Variants in LRIG1 observed in about 807,000 individuals in gnomAD.
LRIG1 encodes leucine-rich repeats and immunoglobulin-like domains protein 1.
A neutral mutation model predicts 99.2 loss-of-function variants in LRIG1; 48 were observed. The observed-to-expected ratio is 0.48, with a 90% CI of 0.38 to 0.62. The LOEUF (loss-of-function observed/expected upper bound fraction) is 0.62, where lower values mean the gene tolerates loss of function less well. Among genes scored for constraint, LRIG1 ranks in the 20% least tolerant of loss-of-function variants. The probability of loss-of-function intolerance (pLI) is 0.00; values close to 1 mark genes in which losing one functional copy is unlikely to be tolerated. For synonymous variants in LRIG1, 772 were observed against 596.1 expected, an observed-to-expected ratio of 1.29 and a Z score of -4.30; for missense variants, 1,646 against 1,434.4, an observed-to-expected ratio of 1.15 and a Z score of -2.38.
At chr3:66,382,806 A>G (rs1282130453) in intron 15 of LRIG1, among the ~76,000 whole-genome samples, 176 bp downstream of exon 15, 1 of 152,206 alleles carries the variant, frequency 6.6e-6, no homozygotes, top group Non-Finnish European at 1.5e-5. Flanking sequence ...TAAATTTGAG[A>G]GTATTCCTGT....
intron 1 of LRIG1, among the ~76,000 whole-genome samples, chr3:66,492,513 C>T (rs769741919): frequency 2.0e-4 from 30 of 152,236 alleles, no homozygotes; most frequent in African/African-American, 7.0e-4. Flanking sequence ...GAGAGACCTT[C>T]ACTCATTTCC....
chr3:66,389,336 T>C (rs1049292421), intron 12 of LRIG1, among the ~76,000 whole-genome samples: 16 of 151,896 alleles, frequency 1.1e-4, no homozygotes, highest in African/African-American at 1.7e-4. Flanking sequence ...ATAGGACACA[T>C]AGAAGAAATA....
intron 3 of LRIG1, among the ~76,000 whole-genome samples, chr3:66,444,048 T>A (rs1703633927): frequency 6.6e-6 from 1 of 152,184 alleles, no homozygotes; most frequent in Non-Finnish European, 1.5e-5. Context: ...TAGCTGAGGA[T>A]AAAGACTGAT....
chr3:66,449,652 C>T (rs368617430), intron 3 of LRIG1, among the ~76,000 whole-genome samples: 135 of 152,348 alleles, frequency 8.9e-4, no homozygotes, highest in Middle Eastern at 3.4e-3. Context: ...TCACCTGCCA[C>T]GCTCCTGCCC....
At chr3:66,431,468 G>T (rs542337866) in intron 3 of LRIG1, among the ~76,000 whole-genome samples, 1 of 152,194 alleles carries the variant, frequency 6.6e-6, no homozygotes, top group African/African-American at 2.4e-5. Flanking sequence ...GCCATGCATG[G>T]TTTTCTTCCA....
intron 3 of LRIG1, among the ~76,000 whole-genome samples, chr3:66,437,523 C>G (rs542253277): frequency 1.2e-4 from 19 of 152,308 alleles, no homozygotes; most frequent in African/African-American, 4.6e-4. Flanking sequence ...CGCCCTCCAG[C>G]ACCCCTCAGC....
chr3:66,467,607 C>T (rs1467904328), intron 1 of LRIG1, among the ~76,000 whole-genome samples: 1 of 152,006 alleles, frequency 6.6e-6, no homozygotes, highest in Non-Finnish European at 1.5e-5. Flanking sequence ...GTGATGTGCC[C>T]GCCTCGGCCT....
At chr3:66,480,543 T>C (rs1372389233) in intron 1 of LRIG1, among the ~76,000 whole-genome samples, 1 of 151,108 alleles carries the variant, frequency 6.6e-6, no homozygotes, top group African/African-American at 2.4e-5. Flanking sequence ...GCCACCTAGC[T>C]ACTTCCATAC....
At chr3:66,495,306 C>T (rs750440701) in intron 1 of LRIG1, among the ~76,000 whole-genome samples, 17 of 152,228 alleles carry the variant, frequency 1.1e-4, no homozygotes, top group Non-Finnish European at 2.2e-4. Flanking sequence ...TGTCTCAAGA[C>T]AATGCCATCA....
chr3:66,429,857 C>A (rs1011638232), intron 3 of LRIG1, among the ~76,000 whole-genome samples: 1 of 27,856 alleles, frequency 3.6e-5, no homozygotes, highest in Admixed American at 3.9e-4. Flanking sequence ...ACTCTCCGTA[C>A]TTTCCACTCC....
chr3:66,451,717 TG>T lies in LRIG1; in HGVS notation c.291-85del, dbSNP rs1319169149. 8.3e-6 allele frequency: 8 copies of T among 969,480 alleles called. No individual in the cohort carries two copies. The East Asian group carries it at 2.0e-4, about 24-fold the overall frequency. The allele number at this position is 969,480 out of a possible 1,614,324, so 60.1% of individuals were successfully genotyped here. A position where few individuals can be genotyped will look rare whatever the true frequency, so the allele number is the denominator to read the frequency against. On this transcript the variant is annotated intron_variant, in intron 2 of 18. Coordinates refer to ENST00000273261, the MANE Select transcript of LRIG1 (RefSeq NM_015541.3). The stretch of plus-strand genomic sequence containing the variant: ...ACATACAACAGAAATAAACAAACGC[TG>T]CTAAGTCTGCCACAGTAAACCTATA...
At position 66,383,946 on chromosome 3, in the gene LRIG1, G is replaced by GCACACACACACACACACA. The variant is rs751049385; in HGVS notation, c.2071+44_2071+45insTGTGTGTGTGTGTGTGTG. 4.7e-6 allele frequency: 4 copies of GCACACACACACACACACA among 842,398 alleles called. No homozygotes were observed. The African/African-American group carries it at 1.1e-4, about 24-fold the overall frequency. The allele number at this position is 842,398 out of a possible 1,614,324, so 52.2% of individuals were successfully genotyped here. On this transcript the variant is annotated intron_variant, in intron 14 of 18. Transcript: ENST00000273261. The stretch of plus-strand genomic sequence containing the variant: ...GAGCATTTGAGAGTCTCTCTCTCTC[G>GCACACACACACACACACA]CTCACACACACACACACACACACAC...
rs140467133 is a variant in LRIG1 at position 66,489,965 on chromosome 3, GCAC to G, written c.218+10222_218+10224del. ...CTTTCTGTCCAGAAAGACATTCTGA[GCAC>G]CACGACTTCACATAAAGTTTCTCCC... is the stretch of plus-strand genomic sequence containing the variant. On this transcript the variant is annotated intron_variant, in intron 1 of 18. Transcript: ENST00000273261. 9.5e-3 allele frequency among the ~76,000 whole-genome samples: 1,445 copies of G among 152,244 alleles called. 27 individuals carry two copies. The highest frequency in any genetic ancestry group is 0.033 in the African/African-American group (1,364 of 41,544).
intron 1 of LRIG1, among the ~76,000 whole-genome samples, chr3:66,473,243 A>C (rs1700644344): frequency 6.6e-6 from 1 of 152,222 alleles, no homozygotes; most frequent in Non-Finnish European, 1.5e-5. Flanking sequence ...TTCCCCATCC[A>C]CAAAAAATTT....
At chr3:66,389,066 A>C (rs1044931505) in intron 12 of LRIG1, among the ~76,000 whole-genome samples, 2 of 152,242 alleles carry the variant, frequency 1.3e-5, no homozygotes, top group Non-Finnish European at 2.9e-5. Flanking sequence ...TGAAAATGTA[A>C]TGTGTACGAC....
At chr3:66,387,813 A>C (rs1361319367) in intron 12 of LRIG1, 1 of 152,046 alleles carries the variant, frequency 6.6e-6, no homozygotes, top group African/African-American at 2.4e-5. Flanking sequence ...ATCGAAGGAT[A>C]GTGGCCAGGT....
chr3:66,465,416 T>G (rs919941387), intron 1 of LRIG1, among the ~76,000 whole-genome samples: 1 of 131,016 alleles, frequency 7.6e-6, no homozygotes, highest in African/African-American at 3.0e-5. Context: ...CAGGCTGGAG[T>G]GTAGTGGCAT....
chr3:66,500,438 G>C lies in LRIG1; in HGVS notation c.-31C>G, dbSNP rs908805925. ...CTGGAGCGCGCTGCGAACTCCGGGC[G>C]CGGGGACTGTGAGGACCCGAACGGC... On this transcript the variant is annotated 5_prime_UTR_variant, in exon 1 of 19. Transcript: ENST00000273261. The C allele has an allele frequency of 6.1e-6, 8 of 1,320,584 alleles. No individual in the cohort carries two copies. In the African/African-American group the frequency reaches 1.2e-4, roughly 20 times the overall value. 81.8% of individuals were successfully genotyped at this position (1,320,584 alleles called of 1,614,324 possible).
At chr3:66,404,598 T>A (rs1702194577) in intron 9 of LRIG1, among the ~76,000 whole-genome samples, 1 of 152,060 alleles carries the variant, frequency 6.6e-6, no homozygotes, top group South Asian at 2.1e-4. Context: ...TTTCCTCAAC[T>A]AATAAAGAGG....
Sources: gnomAD v4.1 joint callset for allele counts (sites outside exome capture counted in the v4.1 genomes callset) on GRCh38, gnomAD v4.1.1 for gene constraint, MANE v1.5 for transcripts, NCBI Gene and HGNC (gene_info 2026-07-23, HGNC 2026-07-21) for gene names.